CERS6: variants seen among roughly 807,000 people sequenced by gnomAD.
The protein encoded by CERS6 is ceramide synthase 6, also known as LAG1 homolog, ceramide synthase 6.
In CERS6, 26 loss-of-function variants were observed where a neutral mutation model predicts 56.8. The ratio of observed to expected loss-of-function variants is 0.46; its 90% CI spans 0.34 to 0.63. The LOEUF (loss-of-function observed/expected upper bound fraction) is 0.63. CERS6 is among the 30% of genes least tolerant of loss of function. The probability of loss-of-function intolerance (pLI) is 0.01; values close to 1 mark genes in which losing one functional copy is unlikely to be tolerated. For missense variants in CERS6, 415 were observed against 467.5 expected, an observed-to-expected ratio of 0.89 and a Z score of 1.04; for synonymous variants, 164 against 173.3, an observed-to-expected ratio of 0.95 and a Z score of 0.42.
At chr2:168,701,385 G>T (rs1686801233) in intron 6 of CERS6, among the ~76,000 whole-genome samples, 1 of 152,134 alleles carries the variant, frequency 6.6e-6, no homozygotes, top group Non-Finnish European at 1.5e-5. Flanking sequence ...CTTTCAGGAG[G>T]TGTGCAAGGG....
chr2:168,630,536 G>A (rs1352581997), intron 3 of CERS6, among the ~76,000 whole-genome samples: 1 of 152,046 alleles, frequency 6.6e-6, no homozygotes, highest in East Asian at 1.9e-4. Flanking sequence ...TGATATAGTT[G>A]TTAAAAGACA....
intron 8 of CERS6, among the ~76,000 whole-genome samples, chr2:168,761,394 G>A (rs1684578712): frequency 6.6e-6 from 1 of 152,306 alleles, no homozygotes; most frequent in South Asian, 2.1e-4. Context: ...GGTAGCATCA[G>A]TCCTAGCATC....
At chr2:168,766,744 C>T (rs2105467635) in intron 9 of CERS6, among the ~76,000 whole-genome samples, 1 of 152,330 alleles carries the variant, frequency 6.6e-6, no homozygotes, top group South Asian at 2.1e-4. Context: ...GAATGGAGGC[C>T]TGAGCATCAG....
chr2:168,502,378 G>A (rs1163823612), intron 1 of CERS6, among the ~76,000 whole-genome samples: 1 of 152,166 alleles, frequency 6.6e-6, no homozygotes, highest in African/African-American at 2.4e-5. Flanking sequence ...AGAGAACAAG[G>A]GAGAGGAGGA....
chr2:168,551,348 C>T (rs1034472800), intron 2 of CERS6, among the ~76,000 whole-genome samples: 1 of 152,160 alleles, frequency 6.6e-6, no homozygotes, highest in Non-Finnish European at 1.5e-5. Flanking sequence ...ATAGAAACTA[C>T]TCCTATTGTA....
At chr2:168,626,238 T>G (rs1407101862) in intron 3 of CERS6, among the ~76,000 whole-genome samples, 1 of 152,154 alleles carries the variant, frequency 6.6e-6, no homozygotes, top group East Asian at 1.9e-4. Context: ...TTAGAAGAAC[T>G]CAGGGGATAG....
intron 1 of CERS6, among the ~76,000 whole-genome samples, chr2:168,470,703 A>G (rs547779885): frequency 1.9e-4 from 28 of 150,978 alleles, no homozygotes; most frequent in Non-Finnish European, 3.3e-4. Context: ...GGGACTAGGG[A>G]GAGAACAAAA....
intron 3 of CERS6, among the ~76,000 whole-genome samples, chr2:168,612,644 C>T (rs1268348306): frequency 6.6e-6 from 1 of 152,170 alleles, no homozygotes. Context: ...TATGGGTTGC[C>T]TATTGCAGAG....
At chr2:168,489,514 A>G (rs1049984024) in intron 1 of CERS6, among the ~76,000 whole-genome samples, 6 of 148,844 alleles carry the variant, frequency 4.0e-5, no homozygotes, top group Non-Finnish European at 8.9e-5. Flanking sequence ...CATGAATGCT[A>G]GAACTTTGTG....
intron 1 of CERS6, among the ~76,000 whole-genome samples, chr2:168,504,628 T>A (rs1694643212): frequency 6.6e-6 from 1 of 151,892 alleles, no homozygotes; most frequent in Non-Finnish European, 1.5e-5. Flanking sequence ...AACAGGTGTG[T>A]TAGGATTGTA....
chr2:168,477,887 C>T (rs1694108418), intron 1 of CERS6, among the ~76,000 whole-genome samples: 1 of 152,162 alleles, frequency 6.6e-6, no homozygotes, highest in Non-Finnish European at 1.5e-5. Flanking sequence ...TTTAAAGCCA[C>T]TTGTATTTAG....
chr2:168,717,595 A>G (rs1687256438), intron 7 of CERS6, among the ~76,000 whole-genome samples: 1 of 152,202 alleles, frequency 6.6e-6, no homozygotes, highest in Non-Finnish European at 1.5e-5. Context: ...GAAATCAACC[A>G]TACAAATGAA....
intron 8 of CERS6, among the ~76,000 whole-genome samples, chr2:168,751,090 GAC>G (rs1390409341): frequency 6.6e-6 from 1 of 152,142 alleles, no homozygotes; most frequent in African/African-American, 2.4e-5. Context: ...TGATAGCAGT[GAC>G]TTTGATCAAA....
chr2:168,697,937 T>A (rs1298530037), intron 6 of CERS6, among the ~76,000 whole-genome samples: 8 of 152,166 alleles, frequency 5.3e-5, no homozygotes, highest in Non-Finnish European at 1.0e-4. Context: ...GGCTTTGCAG[T>A]GAGCCAGCAG....
At chr2:168,527,326 G>A (rs977801862) in intron 1 of CERS6, among the ~76,000 whole-genome samples, 4 of 152,170 alleles carry the variant, frequency 2.6e-5, no homozygotes, top group Non-Finnish European at 4.4e-5. Context: ...ATTAACATCT[G>A]CCAGCAGAGA....
intron 2 of CERS6, among the ~76,000 whole-genome samples, chr2:168,557,121 C>T (rs1016726597): frequency 6.6e-6 from 1 of 151,648 alleles, no homozygotes; most frequent in Non-Finnish European, 1.5e-5. Context: ...GCCGTGATGG[C>T]GCCACTGTAC....
chr2:168,706,708 A>G (rs1458734320), intron 6 of CERS6, among the ~76,000 whole-genome samples: 1 of 152,208 alleles, frequency 6.6e-6, no homozygotes, highest in Non-Finnish European at 1.5e-5. Context: ...CTCTTGACAC[A>G]TTTTTTGGTC....
chr2:168,684,877 C>T (rs529646855), intron 4 of CERS6, among the ~76,000 whole-genome samples: 1 of 152,222 alleles, frequency 6.6e-6, no homozygotes, highest in South Asian at 2.1e-4. Flanking sequence ...TTAGGGTAAA[C>T]GTTTCCAGTA....
intron 6 of CERS6, among the ~76,000 whole-genome samples, chr2:168,696,094 G>A (rs149203167): frequency 2.4e-3 from 365 of 152,232 alleles, no homozygotes; most frequent in Middle Eastern, 0.01. Flanking sequence ...TGGGGTAAGG[G>A]ATACACAACG....
Sources: allele counts gnomAD v4.1 joint callset (sites outside exome capture counted in the v4.1 genomes callset), GRCh38; gene constraint gnomAD v4.1.1; transcripts MANE v1.5; gene names NCBI Gene and HGNC (gene_info 2026-07-23, HGNC 2026-07-21).